The following HMCN2 variants were observed in gnomAD, a reference collection of about 807,000 sequenced individuals.
HMCN2 encodes hemicentin 2, also known as hemicentin-2.
HMCN2 carries 325 observed loss-of-function variants against 377.5 expected under a neutral mutation model. That is an observed-to-expected ratio of 0.86 (90% CI 0.79 to 0.94). The LOEUF (loss-of-function observed/expected upper bound fraction) is 0.94. Among genes scored for constraint, HMCN2 ranks in the 40% least tolerant of loss-of-function variants. The pLI is 0.00. For synonymous variants in HMCN2, 2,007 were observed against 2,046.8 expected, an observed-to-expected ratio of 0.98 and a Z score of 0.53; for missense variants, 4,543 against 4,725.3, an observed-to-expected ratio of 0.96 and a Z score of 1.13.
intron 25 of HMCN2, among the ~76,000 whole-genome samples, chr9:130,345,102 G>GTGTA (rs1839297934): frequency 2.8e-5 from 1 of 35,138 alleles, no homozygotes; most frequent in African/African-American, 9.5e-5. Context: ...TGTATGTGGT[G>GTGTA]TGTGGTATGT....
chr9:130,357,713 T>TA, intron 34 of HMCN2, 121 bp from the exon 35 acceptor site: 1 of 609,950 alleles, frequency 1.6e-6, no homozygotes. Flanking sequence ...AGCTAGATGC[T>TA]AGCCTTTGGC....
At position 130,404,869 on chromosome 9, in the gene HMCN2, T is replaced by C. The variant is rs571798477; in HGVS notation, c.12149T>C (p.Val4050Ala). ...AMGKTRLVVQ[V>A]PPVIENGLPD... The stretch of plus-strand genomic sequence containing the variant: ...CGAGTGGGCCTCCCTCTGCCCGCAG[T>C]CCCACCAGTGATCGAGAATGGCCTC... Residue 4050 changes from valine (V) to alanine (A), a missense_variant and splice_region_variant, in exon 81 of 98, where the codon GTC (valine) becomes GCC (alanine). Physicochemically the swap from Val to Ala is moderately conservative, Grantham distance 64. Transcript: ENST00000683500. 84 of 1,256,474 alleles carry C rather than the reference T, an allele frequency of 6.7e-5. No homozygotes were observed. In the African/African-American group the frequency reaches 1.3e-3, roughly 19 times the overall value. The allele number at this position is 1,256,474 out of a possible 1,614,324, so 77.8% of individuals were successfully genotyped here. A position where few individuals can be genotyped will look rare whatever the true frequency, so the allele number is the denominator to read the frequency against.
Position 130,394,218 on chromosome 9 carries a change from A to G in HMCN2, c.10502-167A>G, listed in dbSNP as rs1022077028. 6.6e-5 allele frequency among the ~76,000 whole-genome samples: 10 copies of G among 152,104 alleles called. No individual in the cohort carries two copies. Among genetic ancestry groups the G allele is most frequent in the Admixed American group, 3.3e-4 (5 of 15,284 alleles). ...TGGGTGGCCGGGCTTTGATTCTCCC[A>G]GGGCTGTGCTCCTGGTTTCTTTCCA... On this transcript the variant is annotated intron_variant, in intron 68 of 97. Coordinates refer to ENST00000683500, the MANE Select transcript of HMCN2 (RefSeq NM_001291815.2). This position sits in a 1 kb window ranked among gnomAD's most constrained non-coding sequence, Gnocchi z 5.1.
intron 22 of HMCN2, among the ~76,000 whole-genome samples, chr9:130,336,550 G>GGC (rs1838756483): frequency 6.6e-6 from 1 of 152,172 alleles, no homozygotes; most frequent in Non-Finnish European, 1.5e-5. Context: ...ACCTCACACA[G>GGC]CTAGCGCATG....
At chr9:130,328,144 C>G (rs1838244918) in intron 22 of HMCN2, among the ~76,000 whole-genome samples, 1 of 152,200 alleles carries the variant, frequency 6.6e-6, no homozygotes, top group African/African-American at 2.4e-5. Context: ...AACGTGACCC[C>G]CGCCCCCACC....
At chr9:130,425,442 A>C (rs898175630) in intron 89 of HMCN2, among the ~76,000 whole-genome samples, 1 of 150,914 alleles carries the variant, frequency 6.6e-6, no homozygotes, top group South Asian at 2.1e-4. Flanking sequence ...GGCTCACCCC[A>C]TCTCCTCCCA....
Position 130,348,916 on chromosome 9 carries a change from TC to T in HMCN2, c.4156-67del, listed in dbSNP as rs1839543049. 5 of 1,268,162 alleles carry T rather than the reference TC, an allele frequency of 3.9e-6. No homozygotes were observed. In the South Asian group the frequency reaches 6.5e-5, roughly 16 times the overall value. 78.6% of individuals were successfully genotyped at this position (1,268,162 alleles called of 1,614,324 possible). A position where few individuals can be genotyped will look rare whatever the true frequency, so the allele number is the denominator to read the frequency against. ...GGCCACCTCTCGGGCCTCAGTTTCC[TC>T]ATTACTGATGCTGGGGGTGGTGGCT... On this transcript the variant is annotated intron_variant, in intron 27 of 97. Transcript: ENST00000683500.
At chr9:130,395,427 C>A in intron 71 of HMCN2, 80 bp downstream of exon 71, 1 of 1,180,170 alleles carries the variant, frequency 8.5e-7, no homozygotes, top group South Asian at 1.5e-5. Flanking sequence ...ATCCAAGATC[C>A]AGAGCGGGTG....
chr9:130,395,258 C>T lies in HMCN2; in HGVS notation c.10822C>T (p.Leu3608=). 1 of 1,289,616 alleles carries T rather than the reference C, an allele frequency of 7.8e-7. No homozygotes were observed. The highest frequency in any genetic ancestry group is 1.0e-6 in the Non-Finnish European group (1 of 988,764). 79.9% of individuals were successfully genotyped at this position (1,289,616 alleles called of 1,614,324 possible). A position where few individuals can be genotyped will look rare whatever the true frequency, so the allele number is the denominator to read the frequency against. The part of the protein sequence containing the change: ...GPRGPRFVVG[L]APGQLVLECS... The stretch of plus-strand genomic sequence containing the variant: ...CCGAGGCCCCCGCTTTGTGGTCGGC[C>T]TGGCCCCAGGGCAGCTGGTCCTGGA... Residue 3608 remains leucine (L), a synonymous_variant, in exon 71 of 98, where the codon CTG becomes TTG. Transcript: ENST00000683500.
At position 130,425,098 on chromosome 9, in the gene HMCN2, G is replaced by A. The variant is rs1052679196; in HGVS notation, c.13609G>A (p.Glu4537Lys). 209 of 1,549,830 alleles carry A rather than the reference G, an allele frequency of 1.3e-4. No homozygotes were observed. The highest frequency in any genetic ancestry group is 1.7e-4 in the Non-Finnish European group (194 of 1,146,836). Residue 4537 changes from glutamate (E) to lysine (K), a missense_variant, in exon 89 of 98, where the codon GAG (glutamate) becomes AAG (lysine). This residue lies in a region of HMCN2 where 1,155 missense variants were observed against 1,157.7 expected (regional missense o/e 1.00). Coordinates refer to ENST00000683500, the MANE Select transcript of HMCN2 (RefSeq NM_001291815.2). ...CGTGGTGGTCAATGGCGTTGTCCCCGAGAGCCTGGCTGACGCAGATCTTCA... is the reference window on the plus strand; with the variant it reads ...CGTGGTGGTCAATGGCGTTGTCCCCAAGAGCCTGGCTGACGCAGATCTTCA... The part of the protein sequence containing the change: ...LDVVVNGVVP[E>K]SLADADLQVQ...
intron 36 of HMCN2, 83 bp from the exon 37 acceptor site, chr9:130,359,236 G>A (rs1471446138): frequency 1.2e-5 from 8 of 670,472 alleles, no homozygotes; most frequent in African/African-American, 5.6e-5. Context: ...GGGGAGCAGG[G>A]AGCAGCACTG....
In HMCN2 at chr9:130,428,373, C is replaced by T. The variant is rs1368844260; in HGVS notation, c.14081C>T (p.Ala4694Val). 1.7e-5 allele frequency: 26 copies of T among 1,547,464 alleles called. No individual in the cohort carries two copies. Among genetic ancestry groups the T allele is most frequent in the East Asian group, 2.4e-5 (1 of 40,898 alleles). The change falls in exon 93 of 98, where the codon GCG (alanine) becomes GTG (valine). Residue 4694 changes from alanine to valine, a missense_variant. Physicochemically the swap from Ala to Val is moderately conservative, Grantham distance 64. Around this residue, in one of 5 missense-constraint regions of HMCN2, gnomAD observed 1,155 missense variants for 1,157.7 expected, o/e 1.00. Transcript: ENST00000683500. The surrounding 1 kb of genome is among the most constrained non-coding windows in gnomAD (Gnocchi z 5.0). ...CTGCCCCCAGATGTGGACGAGTGTG[C>T]GTGGGATGCTCACCTCTGCCGAGAG... ...DRNCRDVDECAWDAHLCREGQ... is the reference protein window; with the variant it reads ...DRNCRDVDECVWDAHLCREGQ...
At chr9:130,402,710 TG>T in intron 77 of HMCN2, 78 bp from the exon 78 acceptor site, 1 of 825,590 alleles carries the variant, frequency 1.2e-6, no homozygotes, top group Non-Finnish European at 1.7e-6. Flanking sequence ...AGAGACAGAG[TG>T]GGGTTGTGTA....
At chr9:130,289,244 G>A (rs1281022878) in intron 4 of HMCN2, among the ~76,000 whole-genome samples, 5 of 152,218 alleles carry the variant, frequency 3.3e-5, no homozygotes, top group Admixed American at 2.6e-4. Context: ...GCCTTCCCAT[G>A]TTCAGCACCA....
chr9:130,288,716 G>A (rs1387715608), intron 4 of HMCN2, among the ~76,000 whole-genome samples: 1 of 152,230 alleles, frequency 6.6e-6, no homozygotes, highest in Non-Finnish European at 1.5e-5. Flanking sequence ...GAGTGCTGGT[G>A]CAGAGTTGGC....
chr9:130,277,178 G>A (rs1335300568), intron 1 of HMCN2, among the ~76,000 whole-genome samples: 1 of 152,264 alleles, frequency 6.6e-6, no homozygotes, highest in African/African-American at 2.4e-5. Context: ...CTCTTGCCCA[G>A]TGGAAAAAAC....
chr9:130,422,582 C>A lies in HMCN2; in HGVS notation c.13237C>A (p.Pro4413Thr). The change falls in exon 87 of 98, where the codon CCC becomes ACC. Residue 4413 changes from proline (P) to threonine (T), a missense_variant. Pro to Thr is a conservative substitution (Grantham distance 38). This residue lies in a region of HMCN2 where 1,155 missense variants were observed against 1,157.7 expected (regional missense o/e 1.00). Transcript: ENST00000683500. This position sits in a 1 kb window ranked among gnomAD's most constrained non-coding sequence, Gnocchi z 4.2. ...ATTCTTTCCCTTCCTTACAGGGGAG[C>A]CCCAGGGGAGCTGGGGCAGCATGAC... ...ARAFLVVRGE[P>T]QGSWGSMTGV... 1 of 1,316,832 alleles carries A rather than the reference C, an allele frequency of 7.6e-7. No homozygotes were observed. Among genetic ancestry groups the A allele is most frequent in the South Asian group, 2.3e-5 (1 of 43,264 alleles). 81.6% of individuals were successfully genotyped at this position (1,316,832 alleles called of 1,614,324 possible). A position where few individuals can be genotyped will look rare whatever the true frequency, so the allele number is the denominator to read the frequency against.
rs1054703471 is a variant in HMCN2 at position 130,405,003 on chromosome 9, G to A, written c.12283G>A (p.Ala4095Thr). 3.9e-6 allele frequency: 5 copies of A among 1,289,564 alleles called. No homozygotes were observed. Among genetic ancestry groups the A allele is most frequent in the East Asian group, 5.5e-5 (1 of 18,038 alleles). The allele number at this position is 1,289,564 out of a possible 1,614,324, so 79.9% of individuals were successfully genotyped here. ...CAAAGATGGCCAGCCTGTGTCGGGC[G>A]CCGAGGGGAAGTTCACCATCCAGCC... The part of the protein sequence containing the change: ...WDKDGQPVSG[A>T]EGKFTIQPSG... The change falls in exon 81 of 98, where the codon GCC becomes ACC. Residue 4095 changes from alanine (A) to threonine (T), a missense_variant. This residue lies in a region of HMCN2 where 1,073 missense variants were observed against 1,319.5 expected (regional missense o/e 0.81). Transcript: ENST00000683500.
Position 130,384,450 on chromosome 9 carries a change from G to A in HMCN2, c.8908G>A (p.Val2970Ile), listed in dbSNP as rs533864644. ...LNSSVSLPCD[V>I]HAHPNPEVTW... The stretch of plus-strand genomic sequence containing the variant: ...CAGCAGCGTCTCCCTCCCTTGCGAC[G>A]TCCACGCTCACCCAAACCCCGAGGT... Residue 2970 changes from valine to isoleucine, a missense_variant, in exon 58 of 98, where the codon GTC becomes ATC. Val to Ile is a conservative substitution (Grantham distance 29). This residue lies in a region of HMCN2 where 736 missense variants were observed against 773.2 expected (regional missense o/e 0.95). Coordinates refer to ENST00000683500, the MANE Select transcript of HMCN2 (RefSeq NM_001291815.2). 5 of 1,304,130 alleles carry A rather than the reference G, an allele frequency of 3.8e-6. No individual in the cohort carries two copies. The highest frequency in any genetic ancestry group is 5.5e-5 in the East Asian group (1 of 18,024). 80.8% of individuals were successfully genotyped at this position (1,304,130 alleles called of 1,614,324 possible).
Sources: gnomAD v4.1 joint callset for allele counts (sites outside exome capture counted in the v4.1 genomes callset) on GRCh38, gnomAD v4.1.1 for gene constraint, gnomAD v4.1.1 regional missense constraint, Gnocchi (gnomAD v3.1) non-coding constraint, MANE v1.5 for transcripts, NCBI Gene and HGNC (gene_info 2026-07-23, HGNC 2026-07-21) for gene names.